The following ANK2 variants were observed in gnomAD, a reference collection of about 807,000 sequenced individuals.
ANK2 encodes the protein ankyrin 2, also known as ankyrin-2.
In ANK2, 83 loss-of-function variants were observed where a neutral mutation model predicts 360.5. The observed-to-expected ratio is 0.23, with a 90% CI of 0.19 to 0.28. The LOEUF is 0.28. Ranked by LOEUF, ANK2 falls within the 10% of genes least tolerant of loss-of-function variation. The pLI, the probability that ANK2 is intolerant of heterozygous loss-of-function variation, is 1.00. For synonymous variants in ANK2, 1,740 were observed against 1,759.5 expected (o/e 0.99, Z 0.28); for missense variants, 4,201 against 4,795.7 (o/e 0.88, Z 3.66).
intron 2 of ANK2, among the ~76,000 whole-genome samples, chr4:113,007,648 T>C (rs868596055): frequency 2.6e-5 from 4 of 152,092 alleles, no homozygotes; most frequent in Non-Finnish European, 5.9e-5. Flanking sequence ...TGAATATACA[T>C]ACAGAATTTA....
At chr4:112,750,232 G>T in the ANK2 span, among the ~76,000 whole-genome samples, 1 of 151,976 alleles carries the variant, frequency 6.6e-6, no homozygotes, top group Non-Finnish European at 1.5e-5. Flanking sequence ...AGGAATTTGA[G>T]ACCAGCCTGG....
intron 2 of ANK2, among the ~76,000 whole-genome samples, chr4:112,942,559 G>C (rs1051723085): frequency 1.3e-5 from 2 of 151,874 alleles, no homozygotes; most frequent in African/African-American, 4.8e-5. Context: ...CCGCTTATGA[G>C]AAAAATGAGG....
intron 1 of ANK2, among the ~76,000 whole-genome samples, chr4:112,852,134 C>T (rs959630765): frequency 6.6e-6 from 1 of 152,186 alleles, no homozygotes; most frequent in Non-Finnish European, 1.5e-5. Context: ...CTCTATTGCT[C>T]TAATACGTAT....
intron 1 of ANK2, among the ~76,000 whole-genome samples, chr4:113,137,828 A>T (rs2096494191): frequency 6.6e-6 from 1 of 152,214 alleles, no homozygotes; most frequent in African/African-American, 2.4e-5. Context: ...GACAGCTGAT[A>T]GTGTCCATCT....
At chr4:112,821,522 G>C (rs1213442601) in intron 1 of ANK2, among the ~76,000 whole-genome samples, 1 of 115,468 alleles carries the variant, frequency 8.7e-6, no homozygotes. Flanking sequence ...TTTTTTTTTT[G>C]AGACTGGGTC....
At chr4:112,764,117 G>T in the ANK2 span, among the ~76,000 whole-genome samples, 1 of 150,524 alleles carries the variant, frequency 6.6e-6, no homozygotes, top group Admixed American at 6.6e-5. Flanking sequence ...TAATTTTTTT[G>T]TATTTTTAGT....
At chr4:112,874,320 T>C (rs1261881918) in intron 1 of ANK2, among the ~76,000 whole-genome samples, 1 of 146,720 alleles carries the variant, frequency 6.8e-6, no homozygotes, top group African/African-American at 2.5e-5. Flanking sequence ...TGACCTCAGG[T>C]AATCCGATCG....
At chr4:112,926,504 G>C (rs1446239321) in intron 2 of ANK2, among the ~76,000 whole-genome samples, 1 of 152,138 alleles carries the variant, frequency 6.6e-6, no homozygotes, top group Non-Finnish European at 1.5e-5. Flanking sequence ...GATCTGAAAT[G>C]GGCAGAAGAA....
At chr4:113,335,186 C>G (rs1588472147) in intron 29 of ANK2, among the ~76,000 whole-genome samples, 1 of 152,096 alleles carries the variant, frequency 6.6e-6, no homozygotes, top group East Asian at 1.9e-4. Flanking sequence ...AACCCATGAT[C>G]CCATCCTCTT....
At chr4:113,114,653 CTG>C (rs1330845807) in intron 1 of ANK2, among the ~76,000 whole-genome samples, 4 of 152,012 alleles carry the variant, frequency 2.6e-5, no homozygotes, top group Non-Finnish European at 4.4e-5. Context: ...AAATTAATAA[CTG>C]TTTGATTTTA....
chr4:113,150,372 G>T (rs997804643), intron 1 of ANK2, among the ~76,000 whole-genome samples: 3 of 152,176 alleles, frequency 2.0e-5, no homozygotes, highest in African/African-American at 7.2e-5. Flanking sequence ...ATTGGGAGTG[G>T]TTGGTGCCTG....
In ANK2 at chr4:112,961,874, G is replaced by C. The variant is rs141293545; in HGVS notation, c.21+57360G>C. On this transcript the variant is annotated intron_variant, in intron 2 of 30. Transcript: ENST00000503271. ...AAACCTCTAAAATATAATGATACTTGGATTCCAAAGATTCTAATTTAATTT... is the reference window on the plus strand; with the variant it reads ...AAACCTCTAAAATATAATGATACTTCGATTCCAAAGATTCTAATTTAATTT... Among the ~76,000 whole-genome samples the C allele has an allele frequency of 1.5e-4, 23 of 152,094 alleles. No individual in the cohort carries two copies. In the East Asian group the frequency reaches 3.7e-3, roughly 24 times the overall value.
At chr4:113,135,837 A>T (rs1181502985) in intron 1 of ANK2, among the ~76,000 whole-genome samples, 4 of 152,152 alleles carry the variant, frequency 2.6e-5, no homozygotes, top group African/African-American at 9.7e-5. Context: ...CTGAAAATAT[A>T]ATTATACAAG....
At chr4:112,969,143 A>G (rs752615572) in intron 2 of ANK2, among the ~76,000 whole-genome samples, 1 of 152,214 alleles carries the variant, frequency 6.6e-6, no homozygotes, top group African/African-American at 2.4e-5. Flanking sequence ...GGCTTTATTT[A>G]TAGTTAATGA....
chr4:112,813,781 C>A (rs918295740), upstream of ANK2, among the ~76,000 whole-genome samples: 3 of 152,154 alleles, frequency 2.0e-5, no homozygotes, highest in Non-Finnish European at 4.4e-5. Flanking sequence ...AGCTGTCTAC[C>A]CATCTTGGCC....
intron 2 of ANK2, among the ~76,000 whole-genome samples, chr4:113,178,101 G>A (rs1039185284): frequency 2.6e-5 from 4 of 151,982 alleles, no homozygotes; most frequent in Middle Eastern, 3.2e-3. Context: ...TAAATGCAAG[G>A]CCAGGTGTGG....
At chr4:113,052,419 T>C (rs2067467936) in intron 1 of ANK2, among the ~76,000 whole-genome samples, 1 of 152,170 alleles carries the variant, frequency 6.6e-6, no homozygotes, top group African/African-American at 2.4e-5. Context: ...TACTGAATCA[T>C]ATTCCTTGAA....
intron 2 of ANK2, among the ~76,000 whole-genome samples, chr4:113,030,160 A>G (rs1162722297): frequency 1.3e-5 from 2 of 152,112 alleles, no homozygotes; most frequent in African/African-American, 4.8e-5. Context: ...CATCTGTAGA[A>G]CTAACATAAA....
intron 2 of ANK2, among the ~76,000 whole-genome samples, chr4:112,929,100 G>C (rs985503215): frequency 6.6e-6 from 1 of 152,098 alleles, no homozygotes; most frequent in African/African-American, 2.4e-5. Context: ...TGATCTGCCT[G>C]CCTCAGCCTC....
Sources: gnomAD v4.1 joint callset for allele counts (sites outside exome capture counted in the v4.1 genomes callset) on GRCh38, gnomAD v4.1.1 for gene constraint, MANE v1.5 for transcripts, NCBI Gene and HGNC (gene_info 2026-07-23, HGNC 2026-07-21) for gene names.